Variants in MYT1L observed in about 807,000 individuals in gnomAD.
MYT1L encodes the protein myelin transcription factor 1 like.
Under a neutral mutation model 126.7 loss-of-function variants are expected in MYT1L, and 12 were observed. The ratio of observed to expected loss-of-function variants is 0.09; its 90% CI spans 0.06 to 0.15. The LOEUF is 0.15. Ranked by LOEUF, MYT1L falls within the 10% of genes least tolerant of loss-of-function variation. The pLI, the probability that MYT1L is intolerant of heterozygous loss-of-function variation, is 1.00. For synonymous variants in MYT1L, 541 were observed against 604.2 expected, an observed-to-expected ratio of 0.90 and a Z score of 1.53; for missense variants, 979 against 1,585.2, an observed-to-expected ratio of 0.62 and a Z score of 6.49.
At chr2:1,874,914 G>A (rs2046710119) in intron 18 of MYT1L, among the ~76,000 whole-genome samples, 1 of 152,202 alleles carries the variant, frequency 6.6e-6, no homozygotes, top group Non-Finnish European at 1.5e-5. Context: ...CCCGGAGCTT[G>A]GACAGGCAGC....
At chr2:2,205,294 C>CA (rs936582390) in intron 2 of MYT1L, among the ~76,000 whole-genome samples, 1 of 151,806 alleles carries the variant, frequency 6.6e-6, no homozygotes, top group Non-Finnish European at 1.5e-5. Context: ...CTATAATATA[C>CA]AAAAAAAGAA....
At chr2:1,872,138 G>A (rs1333503839) in intron 18 of MYT1L, among the ~76,000 whole-genome samples, 1 of 152,134 alleles carries the variant, frequency 6.6e-6, no homozygotes, top group African/African-American at 2.4e-5. Flanking sequence ...CTGGGGACTG[G>A]TCTGGCTTGG....
intron 3 of MYT1L, among the ~76,000 whole-genome samples, chr2:2,157,534 C>A (rs1194038079): frequency 1.3e-5 from 2 of 152,130 alleles, no homozygotes; most frequent in Non-Finnish European, 2.9e-5. Context: ...TCACAAAGTG[C>A]AGTGACTTGT....
intron 9 of MYT1L, among the ~76,000 whole-genome samples, chr2:1,935,972 G>A (rs560724559): frequency 6.6e-6 from 1 of 152,272 alleles, no homozygotes; most frequent in South Asian, 2.1e-4. Context: ...AGGCTGGAGT[G>A]CAAGGCTGTG....
intron 18 of MYT1L, among the ~76,000 whole-genome samples, chr2:1,867,930 T>G (rs919887605): frequency 1.4e-4 from 22 of 152,142 alleles, no homozygotes; most frequent in Non-Finnish European, 2.2e-4. Context: ...CTATCTTTAT[T>G]TAGTAAACCT....
chr2:2,027,438 C>T (rs934268796), intron 4 of MYT1L, among the ~76,000 whole-genome samples: 13 of 152,162 alleles, frequency 8.5e-5, no homozygotes, highest in African/African-American at 2.9e-4. Flanking sequence ...AAGGCACAGA[C>T]GCTGCCGGAT....
intron 4 of MYT1L, among the ~76,000 whole-genome samples, chr2:2,003,190 G>T (rs757840736): frequency 2.0e-5 from 3 of 152,050 alleles, no homozygotes; most frequent in Admixed American, 2.0e-4. Context: ...CCCATGGCCT[G>T]CTCTGCATGG....
chr2:2,058,625 A>T (rs1231717999), intron 3 of MYT1L, among the ~76,000 whole-genome samples: 2 of 152,276 alleles, frequency 1.3e-5, no homozygotes, highest in Non-Finnish European at 2.9e-5. Flanking sequence ...CTGAATGAAT[A>T]AATAAATGAA....
chr2:2,094,708 T>A (rs1382088935), intron 3 of MYT1L, among the ~76,000 whole-genome samples: 1 of 138,008 alleles, frequency 7.2e-6, no homozygotes, highest in Non-Finnish European at 1.5e-5. Context: ...CACTCATAGG[T>A]GGTAATTGAA....
chr2:1,908,837 G>A lies in MYT1L; in HGVS notation c.1817+1403C>T, dbSNP rs148892850. 4.3e-3 allele frequency among the ~76,000 whole-genome samples: 655 copies of A among 152,276 alleles called. 5 individuals carry two copies. Among genetic ancestry groups the A allele is most frequent in the African/African-American group, 0.015 (635 of 41,558 alleles). ...GGTGCTCTGGGGGCACTTCAGGCCA[G>A]GACCCCAAATGCAGAAAACTCTAGA... is the stretch of plus-strand genomic sequence containing the variant. On this transcript the variant is annotated intron_variant, in intron 13 of 24. Transcript: ENST00000647738.
intron 2 of MYT1L, among the ~76,000 whole-genome samples, chr2:2,178,861 C>T (rs990135874): frequency 1.3e-5 from 2 of 152,116 alleles, no homozygotes; most frequent in Non-Finnish European, 2.9e-5. Context: ...TATGCAGTCC[C>T]CATCACTCCT....
At chr2:2,297,935 A>T (rs1310383936) in intron 1 of MYT1L, among the ~76,000 whole-genome samples, 1 of 152,168 alleles carries the variant, frequency 6.6e-6, no homozygotes, top group Non-Finnish European at 1.5e-5. Context: ...CTCTGCGTCC[A>T]CGCCACTTAA....
intron 9 of MYT1L, 136 bp downstream of exon 9, chr2:1,942,846 G>T: frequency 8.9e-7 from 1 of 1,127,608 alleles, no homozygotes; most frequent in Non-Finnish European, 1.2e-6. Context: ...GTTCATATAA[G>T]AGGTTAATTT....
At chr2:2,023,040 C>T (rs1396099315) in intron 4 of MYT1L, among the ~76,000 whole-genome samples, 1 of 152,138 alleles carries the variant, frequency 6.6e-6, no homozygotes, top group African/African-American at 2.4e-5. Flanking sequence ...GTTGGGTTAG[C>T]CTGTGATACT....
intron 4 of MYT1L, among the ~76,000 whole-genome samples, chr2:2,046,201 C>A (rs1422402575): frequency 6.6e-6 from 1 of 152,210 alleles, no homozygotes; most frequent in African/African-American, 2.4e-5. Context: ...CTGTGGTCTT[C>A]CTCTGAAGTC....
chr2:2,318,814 T>C (rs1171506809), intron 1 of MYT1L, among the ~76,000 whole-genome samples: 1 of 152,240 alleles, frequency 6.6e-6, no homozygotes, highest in African/African-American at 2.4e-5. Context: ...TCACTTTATA[T>C]AATCTCAGAA....
intron 2 of MYT1L, among the ~76,000 whole-genome samples, chr2:2,283,655 C>G (rs974643584): frequency 4.4e-4 from 67 of 152,248 alleles, no homozygotes; most frequent in African/African-American, 1.6e-3. Flanking sequence ...AGTCCCCAGG[C>G]AGTAAGGGCT....
At chr2:2,309,487 T>C (rs538740732) in intron 1 of MYT1L, among the ~76,000 whole-genome samples, 3 of 150,528 alleles carry the variant, frequency 2.0e-5, no homozygotes, top group East Asian at 3.9e-4. Context: ...TCTCTACCTA[T>C]ACTCAATCTA....
intron 8 of MYT1L, among the ~76,000 whole-genome samples, chr2:1,965,076 A>C (rs1328224474): frequency 6.6e-6 from 1 of 152,246 alleles, no homozygotes; most frequent in Non-Finnish European, 1.5e-5. Flanking sequence ...CAGCAGCACT[A>C]CTATGCACAG....
Sources: gnomAD v4.1 joint callset for allele counts (sites outside exome capture counted in the v4.1 genomes callset) on GRCh38, gnomAD v4.1.1 for gene constraint, MANE v1.5 for transcripts, NCBI Gene and HGNC (gene_info 2026-07-23, HGNC 2026-07-21) for gene names.